NKAIN3: variants seen among roughly 807,000 people sequenced by gnomAD.
The protein encoded by NKAIN3 is sodium/potassium-transporting ATPase subunit beta-1-interacting protein 3.
In NKAIN3, 25 loss-of-function variants were observed where a neutral mutation model predicts 30.2. The ratio of observed to expected loss-of-function variants is 0.83; its 90% CI spans 0.60 to 1.16. The LOEUF is 1.16. Among genes scored for constraint, NKAIN3 ranks in the 50% most tolerant of loss-of-function variants. NKAIN3 has a pLI of 0.00. For synonymous variants in NKAIN3, 91 were observed against 89.6 expected, an observed-to-expected ratio of 1.02 and a Z score of -0.09; for missense variants, 225 against 254.1, an observed-to-expected ratio of 0.89 and a Z score of 0.78.
chr8:62,615,289 G>A (rs1161051226), intron 3 of NKAIN3, among the ~76,000 whole-genome samples: 1 of 152,028 alleles, frequency 6.6e-6, no homozygotes, highest in African/African-American at 2.4e-5. Flanking sequence ...TGGGAGGTAG[G>A]ACCTCATGAC....
intron 1 of NKAIN3, among the ~76,000 whole-genome samples, chr8:62,271,723 T>A (rs1219070744): frequency 1.3e-5 from 2 of 152,202 alleles, no homozygotes; most frequent in East Asian, 3.9e-4. Context: ...GTTTTAGAGA[T>A]CATCTACTAC....
chr8:62,715,497 A>G (rs764166484), intron 3 of NKAIN3, among the ~76,000 whole-genome samples: 4 of 152,144 alleles, frequency 2.6e-5, no homozygotes, highest in Non-Finnish European at 5.9e-5. Context: ...TGGAAACAGG[A>G]AGACTGCATC....
chr8:62,860,721 G>A (rs567090904), intron 4 of NKAIN3, among the ~76,000 whole-genome samples: 9 of 152,324 alleles, frequency 5.9e-5, no homozygotes, highest in East Asian at 3.9e-4. Flanking sequence ...GATGCAGATT[G>A]GTCCGAGGCC....
chr8:62,593,552 A>G (rs1157575308), intron 3 of NKAIN3, among the ~76,000 whole-genome samples: 1 of 152,056 alleles, frequency 6.6e-6, no homozygotes, highest in East Asian at 1.9e-4. Flanking sequence ...GATCCAAAAA[A>G]AGAAGAAACA....
At chr8:62,701,026 C>T (rs1814314881) in intron 3 of NKAIN3, among the ~76,000 whole-genome samples, 1 of 152,076 alleles carries the variant, frequency 6.6e-6, no homozygotes, top group South Asian at 2.1e-4. Flanking sequence ...TCTTATAAAC[C>T]CATCTGTGGT....
chr8:62,905,017 G>A lies in NKAIN3; in HGVS notation c.472-13436G>A, dbSNP rs185865468. On this transcript the variant is annotated intron_variant, in intron 4 of 6. Transcript: ENST00000623646. Reference sequence around the variant, plus strand: ...GTTCCTGCCTTCCAGGACCTACTTAGAAGATAACGAATGGACACAATGCTG... The same window carrying A: ...GTTCCTGCCTTCCAGGACCTACTTAAAAGATAACGAATGGACACAATGCTG... 1.1e-4 allele frequency among the ~76,000 whole-genome samples: 16 copies of A among 152,216 alleles called. No homozygotes were observed. The East Asian group carries it at 3.1e-3, about 29-fold the overall frequency.
At chr8:62,696,937 C>T (rs1586100202) in intron 3 of NKAIN3, among the ~76,000 whole-genome samples, 1 of 152,162 alleles carries the variant, frequency 6.6e-6, no homozygotes, top group East Asian at 1.9e-4. Context: ...CTTTGATATG[C>T]TCTGTTACAT....
chr8:62,557,541 C>T (rs1301246133), intron 1 of NKAIN3, among the ~76,000 whole-genome samples: 1 of 152,090 alleles, frequency 6.6e-6, no homozygotes, highest in African/African-American at 2.4e-5. Context: ...AGAAGTGTTC[C>T]CTGTTTACCA....
intron 6 of NKAIN3, among the ~76,000 whole-genome samples, chr8:62,959,428 A>T (rs977398172): frequency 2.1e-5 from 2 of 95,462 alleles, no homozygotes; most frequent in African/African-American, 9.8e-5. Context: ...AGTAGGACAA[A>T]TCAGGGTGTG....
At chr8:62,518,443 G>A (rs1343203961) in intron 1 of NKAIN3, among the ~76,000 whole-genome samples, 2 of 152,088 alleles carry the variant, frequency 1.3e-5, no homozygotes, top group Non-Finnish European at 2.9e-5. Flanking sequence ...ATCTCTCTGT[G>A]TATCCATTTT....
At chr8:62,953,539 G>A (rs1303451530) in intron 5 of NKAIN3, among the ~76,000 whole-genome samples, 1 of 152,038 alleles carries the variant, frequency 6.6e-6, no homozygotes, top group East Asian at 1.9e-4. Flanking sequence ...GGAAAAAAAA[G>A]GATTCTAGCA....
intron 1 of NKAIN3, among the ~76,000 whole-genome samples, chr8:62,266,837 T>G (rs1160389477): frequency 8.5e-5 from 13 of 152,190 alleles, no homozygotes. Context: ...GTCTGCACAA[T>G]CCACCCTTTA....
At chr8:62,649,563 T>A (rs1812564713) in intron 3 of NKAIN3, among the ~76,000 whole-genome samples, 1 of 151,982 alleles carries the variant, frequency 6.6e-6, no homozygotes, top group Admixed American at 6.6e-5. Flanking sequence ...AGCAAAAAAA[T>A]CCATTAGATA....
At chr8:62,770,055 C>A (rs965894) in intron 4 of NKAIN3, among the ~76,000 whole-genome samples, 29,554 of 152,014 alleles carry the variant, frequency 0.19, 3,275 homozygotes, top group African/African-American at 0.29. Context: ...CATGTCCATC[C>A]CACGATTTAT....
At chr8:62,463,531 A>G (rs1806061134) in intron 1 of NKAIN3, among the ~76,000 whole-genome samples, 2 of 152,210 alleles carry the variant, frequency 1.3e-5, no homozygotes, top group African/African-American at 4.8e-5. Context: ...CTAAATCTAT[A>G]TACAGCATGG....
At chr8:62,471,668 C>G (rs1345775665) in intron 1 of NKAIN3, among the ~76,000 whole-genome samples, 1 of 152,132 alleles carries the variant, frequency 6.6e-6, no homozygotes, top group Non-Finnish European at 1.5e-5. Context: ...CTTCAGCTCA[C>G]TGGGGGCTGG....
intron 1 of NKAIN3, among the ~76,000 whole-genome samples, chr8:62,503,438 C>T (rs1390233464): frequency 1.3e-5 from 2 of 152,178 alleles, no homozygotes; most frequent in East Asian, 1.9e-4. Flanking sequence ...CAGCGGTGCA[C>T]ATATTGTCTT....
At chr8:62,375,537 C>A (rs1424382453) in intron 1 of NKAIN3, among the ~76,000 whole-genome samples, 1 of 152,098 alleles carries the variant, frequency 6.6e-6, no homozygotes, top group Non-Finnish European at 1.5e-5. Context: ...TTTAGCCGTT[C>A]TGAACTTCGA....
intron 3 of NKAIN3, among the ~76,000 whole-genome samples, chr8:62,717,915 G>A (rs2130509737): frequency 6.6e-6 from 1 of 152,286 alleles, no homozygotes; most frequent in South Asian, 2.1e-4. Context: ...TTCTCACACT[G>A]CTGATAAAGA....
Sources: gnomAD v4.1 joint callset for allele counts (sites outside exome capture counted in the v4.1 genomes callset) on GRCh38, gnomAD v4.1.1 for gene constraint, MANE v1.5 for transcripts, NCBI Gene and HGNC (gene_info 2026-07-23, HGNC 2026-07-21) for gene names.